The following DCAF8L2 variants were observed in gnomAD, a reference collection of about 807,000 sequenced individuals.
DCAF8L2 encodes the protein DDB1- and CUL4-associated factor 8-like protein 2.
For synonymous variants in DCAF8L2, 200 were observed against 190.9 expected (o/e 1.05, Z -0.39); for missense variants, 430 against 490.7 (o/e 0.88, Z 1.17).
chrX:27,628,887 G>A (rs926555177), intron 1 of DCAF8L2, among the ~76,000 whole-genome samples: 1 of 111,686 alleles, frequency 9.0e-6, no homozygotes, highest in African/African-American at 3.3e-5. Flanking sequence ...ACAGGTGTGA[G>A]TCTTTTTGAT....
chrX:27,558,547 T>C, the DCAF8L2 span, among the ~76,000 whole-genome samples: 1 of 111,460 alleles, frequency 9.0e-6, no homozygotes, highest in Non-Finnish European at 1.9e-5. Flanking sequence ...CATATAAAGG[T>C]TGTTAATTTT....
chrX:27,556,918 C>T, the DCAF8L2 span, among the ~76,000 whole-genome samples: 1 of 111,211 alleles, frequency 9.0e-6, no homozygotes, highest in African/African-American at 3.2e-5. Flanking sequence ...CCAACATTAA[C>T]TTTATCTTAT....
chrX:27,612,127 T>A (rs1352543564), intron 1 of DCAF8L2, among the ~76,000 whole-genome samples: 1 of 111,643 alleles, frequency 9.0e-6, no homozygotes, highest in Non-Finnish European at 1.9e-5. Flanking sequence ...TTTTTAATGA[T>A]CACCATTCTA....
At chrX:27,589,562 T>C (rs192721062), upstream of DCAF8L2, among the ~76,000 whole-genome samples, 152 of 111,994 alleles carry the variant, frequency 1.4e-3, no homozygotes, top group Admixed American at 8.4e-3. Flanking sequence ...TGGGGAAACA[T>C]GAAAGATCAA....
At chrX:27,525,141 C>A in the DCAF8L2 span, among the ~76,000 whole-genome samples, 65 of 111,056 alleles carry the variant, frequency 5.9e-4, 1 homozygote, top group African/African-American at 2.1e-3. Flanking sequence ...GTTAAAGTCT[C>A]CCTTTATTAT....
chrX:27,659,811 C>T (rs1929489761), intron 2 of DCAF8L2, among the ~76,000 whole-genome samples: 1 of 110,897 alleles, frequency 9.0e-6, no homozygotes, highest in African/African-American at 3.3e-5. Context: ...TTGAATTTCT[C>T]ATTTAGATCA....
At chrX:27,501,144 A>G in the DCAF8L2 span, among the ~76,000 whole-genome samples, 1 of 110,838 alleles carries the variant, frequency 9.0e-6, no homozygotes, top group Admixed American at 9.7e-5. Flanking sequence ...ACAGATACAT[A>G]TACCTGGCCA....
the DCAF8L2 span, among the ~76,000 whole-genome samples, chrX:27,473,028 TAAG>T: frequency 1.8e-5 from 2 of 112,022 alleles, no homozygotes; most frequent in African/African-American, 6.5e-5. Flanking sequence ...TCTGAACTCA[TAAG>T]AAGTCTTTGT....
the DCAF8L2 span, among the ~76,000 whole-genome samples, chrX:27,581,037 ACT>A: frequency 9.0e-6 from 1 of 111,694 alleles, no homozygotes; most frequent in East Asian, 2.8e-4. Context: ...AACATTTTGC[ACT>A]CTTTTTTTCA....
the DCAF8L2 span, among the ~76,000 whole-genome samples, chrX:27,469,780 T>G: frequency 1.0e-5 from 1 of 96,447 alleles, no homozygotes; most frequent in Non-Finnish European, 2.0e-5. Flanking sequence ...CATTTTCTCT[T>G]TTTTTTTTTT....
chrX:27,606,228 CAA>C (rs1926862573), intron 1 of DCAF8L2, among the ~76,000 whole-genome samples: 1 of 48,636 alleles, frequency 2.1e-5, no homozygotes, highest in African/African-American at 1.7e-4. Context: ...TTCCTAGATA[CAA>C]ATATATATAT....
chrX:27,730,938 C>G (rs1001281378), intron 4 of DCAF8L2, among the ~76,000 whole-genome samples: 1 of 111,150 alleles, frequency 9.0e-6, no homozygotes, highest in Non-Finnish European at 1.9e-5. Flanking sequence ...GTATCACAGG[C>G]CTTTAATATC....
chrX:27,536,164 G>A, the DCAF8L2 span, among the ~76,000 whole-genome samples: 2 of 110,783 alleles, frequency 1.8e-5, no homozygotes, highest in African/African-American at 6.5e-5. Context: ...ATTCTTATTC[G>A]TTTAACATTC....
intron 3 of DCAF8L2, among the ~76,000 whole-genome samples, chrX:27,704,213 C>T (rs1048166299): frequency 2.4e-5 from 2 of 83,812 alleles, no homozygotes; most frequent in South Asian, 9.2e-4. Context: ...CATGTACACA[C>T]GCGCGCACAT....
Position 27,682,306 on chromosome X carries a change from G to GT in DCAF8L2, c.-143+4401dup, listed in dbSNP as rs756361476. Among the ~76,000 whole-genome samples, 18 of 111,601 alleles carry GT rather than the reference G, an allele frequency of 1.6e-4. No individual in the cohort carries two copies. The South Asian group carries it at 6.7e-3, about 41-fold the overall frequency. ...TGAGACTCTCCAGACATTTAAAATAGTTTTTTTAAGGTCAAATTGATGATA... is the reference window on the plus strand; with the variant it reads ...TGAGACTCTCCAGACATTTAAAATAGTTTTTTTTAAGGTCAAATTGATGATA... On this transcript the variant is annotated intron_variant, in intron 3 of 4. Coordinates refer to ENST00000451261, the MANE Select transcript of DCAF8L2 (RefSeq NM_001353450.2).
rs58044394 is a variant in DCAF8L2 at position 27,679,316 on chromosome X, C to CTT, written c.-143+1413_-143+1414dup. Among the ~76,000 whole-genome samples the CTT allele has an allele frequency of 2.3e-4, 24 of 105,358 alleles. No homozygotes were observed. In the South Asian group the frequency reaches 3.4e-3, roughly 15 times the overall value. 91.5% of individuals were successfully genotyped at this position (105,358 alleles called of 115,157 possible). A position where few individuals can be genotyped will look rare whatever the true frequency, so the allele number is the denominator to read the frequency against. ...AAGCTCTCTGTAATTCCAGTTTGAG[C>CTT]TTTTTTTTTTCCTATTTAATTTGTC... On this transcript the variant is annotated intron_variant, in intron 3 of 4. Coordinates refer to ENST00000451261, the MANE Select transcript of DCAF8L2 (RefSeq NM_001353450.2).
chrX:27,641,463 CTTTACTTTTCTTT>C (rs1569168923), intron 2 of DCAF8L2, among the ~76,000 whole-genome samples: 1 of 94,323 alleles, frequency 1.1e-5, no homozygotes, highest in Non-Finnish European at 2.1e-5. Context: ...CTTTCCTTTT[CTTTACTTTTCTTT>C]TTTTTTTTTT....
chrX:27,599,152 G>A (rs1926516832), intron 1 of DCAF8L2, among the ~76,000 whole-genome samples: 1 of 110,495 alleles, frequency 9.1e-6, no homozygotes, highest in Non-Finnish European at 1.9e-5. Context: ...AAAAAAAAAT[G>A]TGGTATATAT....
the DCAF8L2 span, chrX:27,519,296 G>C: frequency 9.7e-7 from 1 of 1,026,540 alleles, no homozygotes; most frequent in Non-Finnish European, 1.4e-6. Context: ...GAATGAAAAC[G>C]AGCAAAAGAA....
Sources: allele counts gnomAD v4.1 joint callset (sites outside exome capture counted in the v4.1 genomes callset), GRCh38; gene constraint gnomAD v4.1.1; transcripts MANE v1.5; gene names NCBI Gene and HGNC (gene_info 2026-07-23, HGNC 2026-07-21).